RASGRP4: variants seen among roughly 807,000 people sequenced by gnomAD.
RASGRP4 encodes RAS guanyl releasing protein 4.
In RASGRP4, 52 loss-of-function variants were observed where a neutral mutation model predicts 84.4. The observed-to-expected ratio is 0.62, with a 90% CI of 0.49 to 0.78. The LOEUF is 0.78. RASGRP4 is among the 30% of genes least tolerant of loss of function. The probability of loss-of-function intolerance (pLI) is 0.00; values close to 1 mark genes in which losing one functional copy is unlikely to be tolerated. For missense variants in RASGRP4, 760 were observed against 886.9 expected, an observed-to-expected ratio of 0.86 and a Z score of 1.82; for synonymous variants, 356 against 359.1, an observed-to-expected ratio of 0.99 and a Z score of 0.10.
chr19:38,421,148 G>C lies in RASGRP4; in HGVS notation c.261C>G (p.Ala87=), dbSNP rs771243471. The C allele has an allele frequency of 6.2e-7, 1 of 1,613,876 alleles. No individual in the cohort carries two copies. The highest frequency in any genetic ancestry group is 1.7e-5 in the Admixed American group (1 of 60,020). ...CGGACGGCAGCACCCAGCTGTGCAT[G>C]GCCAGCACCATGTTGAGCATGTGGT... is the stretch of plus-strand genomic sequence containing the variant. ...HEDHMLNMVL[A]MHSWVLPSAD... The change falls in exon 3 of 17, where the codon GCC becomes GCG. Residue 87 remains alanine (A), a synonymous_variant. Transcript: ENST00000615439.
Position 38,409,935 on chromosome 19 carries a change from G to A in RASGRP4, c.*105C>T, listed in dbSNP as rs191452942. The stretch of plus-strand genomic sequence containing the variant: ...CTAAAGGCAGTGTGGATGGGAAGGC[G>A]GATGCCTCTGGAGGCCTACCTCTGG... On this transcript the variant is annotated 3_prime_UTR_variant, in exon 17 of 17. Coordinates refer to ENST00000615439, the MANE Select transcript of RASGRP4 (RefSeq NM_170604.3). The A allele has an allele frequency of 1.4e-5, 11 of 780,638 alleles. No individual in the cohort carries two copies. Among genetic ancestry groups the A allele is most frequent in the Admixed American group, 5.4e-5 (2 of 37,118 alleles). 48.4% of individuals were successfully genotyped at this position (780,638 alleles called of 1,614,324 possible). A position where few individuals can be genotyped will look rare whatever the true frequency, so the allele number is the denominator to read the frequency against.
intron 8 of RASGRP4, among the ~76,000 whole-genome samples, chr19:38,416,451 G>A (rs901535385): frequency 7.0e-5 from 9 of 128,298 alleles, no homozygotes; most frequent in African/African-American, 1.9e-4. Context: ...CGACAAGAGC[G>A]AGACTCTGTC....
At chr19:38,411,053 A>G in intron 15 of RASGRP4, 55 bp from the exon 16 acceptor site, 1 of 1,610,196 alleles carries the variant, frequency 6.2e-7, no homozygotes, top group Middle Eastern at 1.7e-4. Context: ...CCTCTTCTTG[A>G]CCTTGGACTC....
Position 38,410,105 on chromosome 19 carries a change from A to C in RASGRP4, c.1966-9T>G. 6.2e-7 allele frequency: 1 copy of C among 1,608,714 alleles called. No homozygotes were observed. Among genetic ancestry groups the C allele is most frequent in the South Asian group, 1.1e-5 (1 of 90,582 alleles). Reference sequence around the variant, plus strand: ...ATCACCGGGCAGGGGACCTGGAAGGAGGAAGGGAGGAAGAAAGATGACAGA... The same window carrying C: ...ATCACCGGGCAGGGGACCTGGAAGGCGGAAGGGAGGAAGAAAGATGACAGA... On this transcript the variant is annotated splice_polypyrimidine_tract_variant and intron_variant, in intron 16 of 16. Transcript: ENST00000615439.
chr19:38,421,871 G>A (rs1427049089), intron 2 of RASGRP4, 98 bp downstream of exon 2: 1 of 953,336 alleles, frequency 1.0e-6, no homozygotes, highest in Non-Finnish European at 1.6e-6. Flanking sequence ...ATTCCACCCA[G>A]CCCTGTTCTC....
rs1971573296 is a variant in RASGRP4 at position 38,418,012 on chromosome 19, G to A, written c.837+379C>T. Among the ~76,000 whole-genome samples, 1 of 151,406 alleles carries A rather than the reference G, an allele frequency of 6.6e-6. No homozygotes were observed. Among genetic ancestry groups the A allele is most frequent in the African/African-American group, 2.4e-5 (1 of 41,178 alleles). ...GCGGGGAGAGCCCGGACGCAATGGG[G>A]AGCGATGCACAATCCCGAAGCGACC... On this transcript the variant is annotated intron_variant, in intron 7 of 16. Coordinates refer to ENST00000615439, the MANE Select transcript of RASGRP4 (RefSeq NM_170604.3). This position sits in a 1 kb window ranked among gnomAD's most constrained non-coding sequence, Gnocchi z 4.6.
intron 8 of RASGRP4, among the ~76,000 whole-genome samples, chr19:38,416,367 G>A (rs1462738779): frequency 6.6e-6 from 1 of 150,674 alleles, no homozygotes; most frequent in East Asian, 2.0e-4. Flanking sequence ...GGAGGCTGGG[G>A]CAGGAGAATT....
chr19:38,410,414 CTT>C (rs1001083743), intron 16 of RASGRP4, among the ~76,000 whole-genome samples: 38 of 135,904 alleles, frequency 2.8e-4, no homozygotes, highest in Non-Finnish European at 3.2e-4. Context: ...TTCTATTTTT[CTT>C]TTTTTTTTTT....
intron 16 of RASGRP4, among the ~76,000 whole-genome samples, chr19:38,410,545 T>C (rs1971195163): frequency 6.6e-6 from 1 of 151,882 alleles, no homozygotes; most frequent in Admixed American, 6.6e-5. Flanking sequence ...CCCGTGTAGC[T>C]GGGACTACAG....
At position 38,411,249 on chromosome 19, in the gene RASGRP4, T is replaced by C. The variant is rs535167551; in HGVS notation, c.1718A>G (p.Glu573Gly). 4.3e-6 allele frequency: 7 copies of C among 1,613,956 alleles called. No individual in the cohort carries two copies. In the East Asian group the frequency reaches 8.9e-5, roughly 21 times the overall value. ...GTGTTTGTGGCAACACAGCCCGCACTCTGGGGGAAGGCAGCGGCAGGGGTC... is the reference window on the plus strand; with the variant it reads ...GTGTTTGTGGCAACACAGCCCGCACCCTGGGGGAAGGCAGCGGCAGGGGTC... ...GVTKQGYRCR[E>G]CGLCCHKHCR... The change falls in exon 15 of 17, where the codon GAG becomes GGG. Residue 573 changes from glutamate to glycine, a missense_variant and splice_region_variant. By Grantham distance (98) the Glu-to-Gly change is moderately conservative. Transcript: ENST00000615439.
chr19:38,412,659 G>A lies in RASGRP4; in HGVS notation c.1680+13C>T. 2 of 1,611,100 alleles carry A rather than the reference G, an allele frequency of 1.2e-6. No homozygotes were observed. The highest frequency in any genetic ancestry group is 1.7e-6 in the Non-Finnish European group (2 of 1,178,468). On this transcript the variant is annotated intron_variant, in intron 13 of 16. Coordinates refer to ENST00000615439, the MANE Select transcript of RASGRP4 (RefSeq NM_170604.3). The surrounding 1 kb of genome is among the most constrained non-coding windows in gnomAD (Gnocchi z 4.6). ...GATGGAACCTAAGGGTGGTGATGGG[G>A]TGGGGTGCTCACGAAGCCACTGCAG...
In RASGRP4 at chr19:38,426,103, G is replaced by T. The variant is rs773884433; in HGVS notation, c.-12C>A. 1 of 1,328,784 alleles carries T rather than the reference G, an allele frequency of 7.5e-7. No individual in the cohort carries two copies. The highest frequency in any genetic ancestry group is 3.2e-5 in the Admixed American group (1 of 31,668). The allele number at this position is 1,328,784 out of a possible 1,614,324, so 82.3% of individuals were successfully genotyped here. ...TCTTTTCTGTTCATGCTTCCCGCGTGGGGTGAGGAGGCCGGGGGTCTTGCA... is the reference window on the plus strand; with the variant it reads ...TCTTTTCTGTTCATGCTTCCCGCGTTGGGTGAGGAGGCCGGGGGTCTTGCA... On this transcript the variant is annotated 5_prime_UTR_variant, in exon 1 of 17. Coordinates refer to ENST00000615439, the MANE Select transcript of RASGRP4 (RefSeq NM_170604.3).
At chr19:38,421,905 G>T in intron 2 of RASGRP4, 64 bp downstream of exon 2, 1 of 1,435,934 alleles carries the variant, frequency 7.0e-7, no homozygotes, top group Non-Finnish European at 9.6e-7. Flanking sequence ...AAACTGAGGT[G>T]GAGAGAAGCG....
intron 1 of RASGRP4, among the ~76,000 whole-genome samples, chr19:38,425,020 C>T (rs1446852600): frequency 3.3e-5 from 5 of 151,844 alleles, no homozygotes; most frequent in Admixed American, 3.3e-4. Flanking sequence ...CCCATCTCTA[C>T]TAAAAATACA....
In RASGRP4 at chr19:38,410,886, C is replaced by A; in HGVS notation, c.1965G>T (p.Thr655=). Residue 655 remains threonine (T), a splice_region_variant and synonymous_variant, in exon 16 of 17, where the codon ACG becomes ACT. Coordinates refer to ENST00000615439, the MANE Select transcript of RASGRP4 (RefSeq NM_170604.3). ...ESPHPSWETD[T]VPCPVMDPPS... is the part of the protein sequence containing the mutation. ...GGGGGTAGGGGCGGTTTCTCCTCACCGTATCTGTTTCCCAGGAAGGGTGTG... is the reference window on the plus strand; with the variant it reads ...GGGGGTAGGGGCGGTTTCTCCTCACAGTATCTGTTTCCCAGGAAGGGTGTG... 1 of 1,588,754 alleles carries A rather than the reference C, an allele frequency of 6.3e-7. No homozygotes were observed. The highest frequency in any genetic ancestry group is 8.6e-7 in the Non-Finnish European group (1 of 1,167,214).
Position 38,422,042 on chromosome 19 carries a change from G to A in RASGRP4, c.135C>T (p.Ser45=), listed in dbSNP as rs756458894. Residue 45 remains serine, a synonymous_variant, in exon 2 of 17, where the codon TCC becomes TCT. Transcript: ENST00000615439. The part of the protein sequence containing the change: ...SPREISKVMA[S]MNLGLLSEGG... ...CCTCACTCAGCAGGCCCAGGTTCAT[G>A]GAAGCCATGACCTTGCTGATTTCCC... 6.2e-6 allele frequency: 10 copies of A among 1,613,620 alleles called. No individual in the cohort carries two copies. The African/African-American group carries it at 9.3e-5, about 15-fold the overall frequency.
At chr19:38,421,611 C>A (rs1165336666) in intron 2 of RASGRP4, among the ~76,000 whole-genome samples, 1 of 151,960 alleles carries the variant, frequency 6.6e-6, no homozygotes, top group East Asian at 1.9e-4. Context: ...ACTCGGGAAG[C>A]TGAGGCAGGA....
chr19:38,425,068 C>T (rs1323345145), intron 1 of RASGRP4, among the ~76,000 whole-genome samples: 1 of 151,914 alleles, frequency 6.6e-6, no homozygotes, highest in African/African-American at 2.4e-5. Context: ...ACCTGTAGTC[C>T]CAGCTACTTG....
chr19:38,425,975 G>A, intron 1 of RASGRP4, 94 bp downstream of exon 1: 1 of 1,120,632 alleles, frequency 8.9e-7, no homozygotes, highest in South Asian at 2.7e-5. Flanking sequence ...AAGAAGTCAG[G>A]AATCCTGCCA....
Sources: gnomAD v4.1 joint callset for allele counts (sites outside exome capture counted in the v4.1 genomes callset) on GRCh38, gnomAD v4.1.1 for gene constraint, Gnocchi (gnomAD v3.1) non-coding constraint, MANE v1.5 for transcripts, NCBI Gene and HGNC (gene_info 2026-07-23, HGNC 2026-07-21) for gene names.